The following MYCBP2 variants were observed in gnomAD, a reference collection of about 807,000 sequenced individuals.
The protein encoded by MYCBP2 is E3 ubiquitin-protein ligase MYCBP2.
MYCBP2 carries 120 observed loss-of-function variants against 525.3 expected under a neutral mutation model. The ratio of observed to expected loss-of-function variants is 0.23; its 90% confidence interval spans 0.20 to 0.27. The LOEUF (loss-of-function observed/expected upper bound fraction) is 0.27. MYCBP2 is among the 10% of genes least tolerant of loss of function. The probability of loss-of-function intolerance (pLI) is 1.00; values close to 1 mark genes in which losing one functional copy is unlikely to be tolerated. For missense variants in MYCBP2, 4,149 were observed against 5,657.1 expected (o/e 0.73, Z 8.55); for synonymous variants, 1,894 against 1,955.8 (o/e 0.97, Z 0.83).
chr13:77,189,038 G>A lies in MYCBP2; in HGVS notation c.4164C>T (p.Thr1388=). 1 of 1,607,794 alleles carries A rather than the reference G, an allele frequency of 6.2e-7. No homozygotes were observed. Among genetic ancestry groups the A allele is most frequent in the Non-Finnish European group, 8.5e-7 (1 of 1,177,272 alleles). Residue 1388 remains threonine, a synonymous_variant, in exon 30 of 83, where the codon ACC becomes ACT. Transcript: ENST00000544440. ...QIPQLLYRLP[T]SDGSASKGKQ... ...TGCCTTTTGAAGCACTGCCATCACT[G>A]GTTGGAAGTCTAAAGGCAGTAGACA...
At chr13:77,069,358 C>T (rs1408826788) in intron 69 of MYCBP2, among the ~76,000 whole-genome samples, 1 of 152,196 alleles carries the variant, frequency 6.6e-6, no homozygotes, top group Admixed American at 6.5e-5. Context: ...TGCCGTGGCT[C>T]ACGCCTGTAA....
intron 1 of MYCBP2, among the ~76,000 whole-genome samples, chr13:77,300,933 T>A (rs1466831423): frequency 1.3e-5 from 2 of 152,140 alleles, no homozygotes; most frequent in Non-Finnish European, 2.9e-5. Flanking sequence ...AGCTTGGGCA[T>A]GAGTAAGGAC....
In MYCBP2 at chr13:77,051,106, T is replaced by C. The variant is rs2036712748; in HGVS notation, c.13812A>G (p.Ser4604=). 6.2e-7 allele frequency: 1 copy of C among 1,613,468 alleles called. No homozygotes were observed. Among genetic ancestry groups the C allele is most frequent in the Non-Finnish European group, 8.5e-7 (1 of 1,179,864 alleles). The stretch of plus-strand genomic sequence containing the variant: ...TTCCAAAACAGAAAAAAACAGCCAC[T>C]GAACAGCAGTAGCGACATTTATATT... The part of the protein sequence containing the change: ...FLEYKCRYCC[S]VAVFFCFGTT... Residue 4604 remains serine, a synonymous_variant, in exon 82 of 83, where the codon TCA becomes TCG. Transcript: ENST00000544440.
chr13:77,059,921 C>T (rs1014903911), intron 76 of MYCBP2, among the ~76,000 whole-genome samples: 9 of 152,032 alleles, frequency 5.9e-5, no homozygotes, highest in African/African-American at 1.9e-4. Context: ...GCAGCTGTTA[C>T]AAGCCCCTGA....
rs1425688486 is a variant in MYCBP2, at chr13:77,296,636, T to C, written c.341A>G (p.Lys114Arg). 6.5e-7 allele frequency: 1 copy of C among 1,545,146 alleles called. No homozygotes were observed. Among genetic ancestry groups the C allele is most frequent in the Non-Finnish European group, 8.8e-7 (1 of 1,138,654 alleles). Reference protein sequence around the residue: ...KILNKKKLKRKQKSKSKVKTR... With the variant: ...KILNKKKLKRRQKSKSKVKTR... ...CTTCACTTTTGATTTGCTCTTCTGT[T>C]TTCTTTTCAATTTCTTCTTATTTAA... Residue 114 changes from lysine (K) to arginine (R), a missense_variant, in exon 2 of 83, where the codon AAA becomes AGA. By Grantham distance (26) the Lys-to-Arg change is conservative. This residue lies in a region of MYCBP2 where 413 missense variants were observed against 451.2 expected (regional missense o/e 0.92). Transcript: ENST00000544440.
intron 29 of MYCBP2, 98 bp downstream of exon 29, chr13:77,190,154 C>A: frequency 1.6e-6 from 1 of 632,810 alleles, no homozygotes; most frequent in Non-Finnish European, 2.7e-6. Flanking sequence ...CTGAATGCTT[C>A]AAATAATTTC....
In MYCBP2 at chr13:77,165,280, G is replaced by C; in HGVS notation, c.6452C>G (p.Pro2151Arg). Reference protein sequence around the residue: ...FAIGYEFSPGPDEGVIQLEKE... With the variant: ...FAIGYEFSPGRDEGVIQLEKE... ...AAGATAATTCATTCTTACCTCATCAGGTCCAGGGCTAAATTCATATCCAAT... is the reference window on the plus strand; with the variant it reads ...AAGATAATTCATTCTTACCTCATCACGTCCAGGGCTAAATTCATATCCAAT... Residue 2151 changes from proline to arginine, a missense_variant, in exon 42 of 83, where the codon CCT (proline) becomes CGT (arginine). Pro to Arg is a moderately radical substitution (Grantham distance 103). Coordinates refer to ENST00000544440, the MANE Select transcript of MYCBP2 (RefSeq NM_015057.5). 6.3e-7 allele frequency: 1 copy of C among 1,599,782 alleles called. No individual in the cohort carries two copies. The highest frequency in any genetic ancestry group is 8.5e-7 in the Non-Finnish European group (1 of 1,170,358).
intron 1 of MYCBP2, among the ~76,000 whole-genome samples, chr13:77,305,956 A>T (rs990025000): frequency 2.0e-5 from 3 of 152,192 alleles, no homozygotes; most frequent in Non-Finnish European, 2.9e-5. Context: ...TTGAAAAATT[A>T]AGTATTTCCA....
At chr13:77,291,037 T>C (rs2077410543) in intron 2 of MYCBP2, among the ~76,000 whole-genome samples, 1 of 152,200 alleles carries the variant, frequency 6.6e-6, no homozygotes, top group Admixed American at 6.5e-5. Flanking sequence ...AATGGAGACA[T>C]ATACCATGTT....
intron 47 of MYCBP2, 77 bp from the exon 48 acceptor site, chr13:77,146,294 C>T: frequency 2.1e-6 from 2 of 975,410 alleles, no homozygotes; most frequent in East Asian, 5.7e-5. Context: ...ATATATTATT[C>T]AATAAATGGT....
intron 1 of MYCBP2, among the ~76,000 whole-genome samples, chr13:77,315,842 C>A (rs374244427): frequency 8.0e-5 from 12 of 149,570 alleles, no homozygotes; most frequent in Admixed American, 2.7e-4. Flanking sequence ...CTTCAGTGAG[C>A]CGAGATTATG....
intron 49 of MYCBP2, among the ~76,000 whole-genome samples, chr13:77,141,448 C>A (rs1157974684): frequency 6.6e-6 from 1 of 152,046 alleles, no homozygotes; most frequent in Non-Finnish European, 1.5e-5. Flanking sequence ...ATCTAACTCA[C>A]CGAGCTGTTG....
Position 77,081,226 on chromosome 13 carries a change from T to C in MYCBP2, c.11418+201A>G, listed in dbSNP as rs926573294. On this transcript the variant is annotated intron_variant, in intron 65 of 82. Coordinates refer to ENST00000544440, the MANE Select transcript of MYCBP2 (RefSeq NM_015057.5). This position sits in a 1 kb window ranked among gnomAD's most constrained non-coding sequence, Gnocchi z 4.6. ...CATGGTATATTTGTAATCAGACCTC[T>C]TTTCAGAAATGGAATTCCACAGTGC... The C allele has an allele frequency of 3.6e-6, 2 of 560,566 alleles. No homozygotes were observed. The highest frequency in any genetic ancestry group is 3.8e-5 in the African/African-American group (2 of 53,000). 34.7% of individuals were successfully genotyped at this position (560,566 alleles called of 1,614,324 possible).
At chr13:77,182,748 G>C (rs1443610384) in intron 32 of MYCBP2, among the ~76,000 whole-genome samples, 1 of 152,190 alleles carries the variant, frequency 6.6e-6, no homozygotes, top group Non-Finnish European at 1.5e-5. Context: ...TGATGACAAT[G>C]ATTTTTTTCA....
intron 43 of MYCBP2, 72 bp from the exon 44 acceptor site, chr13:77,162,027 A>C: frequency 1.0e-6 from 1 of 1,003,618 alleles, no homozygotes; most frequent in Non-Finnish European, 1.5e-6. Flanking sequence ...AGTCCTTTGC[A>C]TTCATTACAC....
At chr13:77,074,714 T>C (rs1444507411) in intron 68 of MYCBP2, among the ~76,000 whole-genome samples, 2 of 152,128 alleles carry the variant, frequency 1.3e-5, no homozygotes, top group African/African-American at 4.8e-5. Flanking sequence ...ACAACATGGA[T>C]AAATCTCAAA....
At chr13:77,231,798 G>C (rs2067171698) in intron 18 of MYCBP2, among the ~76,000 whole-genome samples, 2 of 152,148 alleles carry the variant, frequency 1.3e-5, no homozygotes, top group Non-Finnish European at 2.9e-5. Flanking sequence ...GAAAAAATCT[G>C]TTCTAATTGT....
chr13:77,167,025 A>ACACACACC (rs1555376500), intron 40 of MYCBP2, among the ~76,000 whole-genome samples: 15 of 113,008 alleles, frequency 1.3e-4, no homozygotes, highest in African/African-American at 2.0e-4. Context: ...ACACACACAC[A>ACACACACC]CCAAATGAAA....
chr13:77,226,057 G>C (rs1294564078), intron 18 of MYCBP2, among the ~76,000 whole-genome samples: 3 of 152,160 alleles, frequency 2.0e-5, no homozygotes, highest in Non-Finnish European at 2.9e-5. Context: ...AAACTCAACT[G>C]AACTTTTCAA....
Sources: allele counts gnomAD v4.1 joint callset (sites outside exome capture counted in the v4.1 genomes callset), GRCh38; gene constraint gnomAD v4.1.1; regional missense constraint gnomAD v4.1.1; non-coding constraint Gnocchi (gnomAD v3.1); transcripts MANE v1.5; gene names NCBI Gene and HGNC (gene_info 2026-07-23, HGNC 2026-07-21).